CTNNA2: variants seen among roughly 807,000 people sequenced by gnomAD.
The protein encoded by CTNNA2 is catenin alpha-2.
CTNNA2 carries 42 observed loss-of-function variants against 101.0 expected under a neutral mutation model. The observed-to-expected ratio is 0.42, with a 90% confidence interval of 0.32 to 0.54. The LOEUF is 0.54. Ranked by LOEUF, CTNNA2 falls within the 20% of genes least tolerant of loss-of-function variation. CTNNA2 has a pLI of 0.14. For synonymous variants in CTNNA2, 450 were observed against 456.4 expected, an observed-to-expected ratio of 0.99 and a Z score of 0.18; for missense variants, 871 against 1,223.1, an observed-to-expected ratio of 0.71 and a Z score of 4.29.
At chr2:79,241,745 G>A (rs77611448) in intron 2 of CTNNA2, among the ~76,000 whole-genome samples, 12,468 of 152,150 alleles carry the variant, frequency 0.082, 697 homozygotes, top group East Asian at 0.18. Flanking sequence ...AACTAAAGGT[G>A]TAGAAAAGAT....
intron 7 of CTNNA2, among the ~76,000 whole-genome samples, chr2:80,115,550 A>G (rs1220347823): frequency 2.0e-5 from 3 of 152,182 alleles, no homozygotes; most frequent in Non-Finnish European, 4.4e-5. Flanking sequence ...TTGTGCCAGT[A>G]AAAGCAAGTT....
chr2:80,235,087 T>A (rs546231410), intron 7 of CTNNA2, among the ~76,000 whole-genome samples: 12 of 152,344 alleles, frequency 7.9e-5, no homozygotes, highest in African/African-American at 2.9e-4. Flanking sequence ...AAATTTAGAA[T>A]GAACTAGTAT....
intron 7 of CTNNA2, among the ~76,000 whole-genome samples, chr2:80,002,098 A>G (rs1692989809): frequency 1.3e-5 from 2 of 152,188 alleles, no homozygotes; most frequent in Non-Finnish European, 2.9e-5. Context: ...AAAAGGTTCT[A>G]TGGCTCAGAC....
At chr2:79,877,085 A>T (rs567234323) in intron 6 of CTNNA2, among the ~76,000 whole-genome samples, 1 of 151,728 alleles carries the variant, frequency 6.6e-6, no homozygotes, top group South Asian at 2.1e-4. Context: ...TGAATGAAAA[A>T]ATTATATTTT....
At chr2:79,925,023 T>G (rs907282483) in intron 7 of CTNNA2, among the ~76,000 whole-genome samples, 4 of 152,108 alleles carry the variant, frequency 2.6e-5, no homozygotes, top group Admixed American at 6.5e-5. Flanking sequence ...GATATCACAA[T>G]ATGATCCATA....
Position 79,885,799 on chromosome 2 carries a change from A to G in CTNNA2, c.852+11457A>G, listed in dbSNP as rs965567340. ...GCTATGTGTCTGAGAAGTGATTCCC[A>G]CTGAATGGCCAATAGAAGTAACCAA... On this transcript the variant is annotated intron_variant, in intron 6 of 18. Transcript: ENST00000402739. Among the ~76,000 whole-genome samples the G allele has an allele frequency of 2.0e-5, 3 of 152,328 alleles. No homozygotes were observed. In the South Asian group the frequency reaches 6.2e-4, roughly 32 times the overall value.
intron 1 of CTNNA2, chr2:79,575,728 GA>G: frequency 6.6e-6 from 1 of 152,282 alleles, no homozygotes; most frequent in Non-Finnish European, 1.5e-5. Flanking sequence ...AGTGTAGACA[GA>G]AAAAGCAGGA....
In CTNNA2 at chr2:79,645,311, G is replaced by A. The variant is rs367668866; in HGVS notation, c.-5-6241G>A. 1.6e-4 allele frequency among the ~76,000 whole-genome samples: 25 copies of A among 152,182 alleles called. 1 individual carries two copies. In the South Asian group the frequency reaches 2.5e-3, roughly 15 times the overall value. The stretch of plus-strand genomic sequence containing the variant: ...TGAGGTTCAACTTTGATGACCATGA[G>A]CAACTTTCTCTACTGTTTTATACTG... On this transcript the variant is annotated intron_variant, in intron 1 of 18. Transcript: ENST00000402739.
intron 9 of CTNNA2, among the ~76,000 whole-genome samples, chr2:80,521,698 C>T (rs890661035): frequency 5.9e-5 from 9 of 152,052 alleles, no homozygotes; most frequent in African/African-American, 1.9e-4. Flanking sequence ...GACAAGGGAA[C>T]GAATTCTCTC....
chr2:80,210,365 C>T (rs774656811), intron 7 of CTNNA2, among the ~76,000 whole-genome samples: 6 of 152,052 alleles, frequency 3.9e-5, no homozygotes, highest in Non-Finnish European at 7.4e-5. Flanking sequence ...CTTCCCCCCT[C>T]CCCATACCCC....
At chr2:80,544,305 A>T (rs1002644862) in intron 9 of CTNNA2, among the ~76,000 whole-genome samples, 3 of 151,052 alleles carry the variant, frequency 2.0e-5, no homozygotes, top group African/African-American at 4.9e-5. Flanking sequence ...AGGAGGGGGA[A>T]AAAAAAAACT....
intron 4 of CTNNA2, among the ~76,000 whole-genome samples, chr2:79,384,028 G>A (rs1175532001): frequency 1.3e-5 from 2 of 152,140 alleles, no homozygotes; most frequent in Non-Finnish European, 2.9e-5. Flanking sequence ...AGAGAAATTG[G>A]ATGGTGCTTA....
At chr2:80,048,957 G>A (rs1696698865) in intron 7 of CTNNA2, among the ~76,000 whole-genome samples, 1 of 152,164 alleles carries the variant, frequency 6.6e-6, no homozygotes, top group Non-Finnish European at 1.5e-5. Flanking sequence ...AGGTGGGCAG[G>A]AAGATTGAAA....
At chr2:79,263,855 T>C (rs1168429522) in intron 2 of CTNNA2, among the ~76,000 whole-genome samples, 2 of 152,202 alleles carry the variant, frequency 1.3e-5, no homozygotes, top group Admixed American at 1.3e-4. Context: ...GCCAAATACA[T>C]TTCTATTGGT....
chr2:79,672,701 CT>C (rs1682922312), intron 2 of CTNNA2, among the ~76,000 whole-genome samples: 1 of 146,220 alleles, frequency 6.8e-6, no homozygotes, highest in Admixed American at 6.8e-5. Context: ...GCAACATTTT[CT>C]TTTTTCTTTT....
chr2:79,817,490 A>C (rs1323570633), intron 3 of CTNNA2, among the ~76,000 whole-genome samples: 1 of 151,916 alleles, frequency 6.6e-6, no homozygotes, highest in Non-Finnish European at 1.5e-5. Flanking sequence ...AGAGGGCTGC[A>C]CTTCCACTCC....
intron 7 of CTNNA2, chr2:80,163,161 C>A: frequency 6.7e-7 from 1 of 1,499,178 alleles, no homozygotes; most frequent in Non-Finnish European, 9.3e-7. Flanking sequence ...TGGTGGAAAA[C>A]CTCGAAAAGG....
intron 1 of CTNNA2, among the ~76,000 whole-genome samples, chr2:79,556,920 C>T (rs1052797860): frequency 6.6e-6 from 1 of 151,774 alleles, no homozygotes; most frequent in Non-Finnish European, 1.5e-5. Flanking sequence ...CTTAATTTAC[C>T]CATCTTTTTC....
At chr2:79,416,880 A>T (rs1678489818) in intron 4 of CTNNA2, among the ~76,000 whole-genome samples, 1 of 152,100 alleles carries the variant, frequency 6.6e-6, no homozygotes, top group Non-Finnish European at 1.5e-5. Context: ...AACTTCTTAC[A>T]GGATCTTCCC....
Sources: allele counts gnomAD v4.1 joint callset (sites outside exome capture counted in the v4.1 genomes callset), GRCh38; gene constraint gnomAD v4.1.1; transcripts MANE v1.5; gene names NCBI Gene and HGNC (gene_info 2026-07-23, HGNC 2026-07-21).